Variants in NRG1 observed in about 807,000 individuals in gnomAD.
The protein encoded by NRG1 is neuregulin 1.
In NRG1, 18 loss-of-function variants were observed where a neutral mutation model predicts 63.8. The observed-to-expected ratio is 0.28, with a 90% CI of 0.19 to 0.42. The LOEUF (loss-of-function observed/expected upper bound fraction) is 0.42, where lower values mean the gene tolerates loss of function less well. Ranked by LOEUF, NRG1 falls within the 10% of genes least tolerant of loss-of-function variation. NRG1 has a pLI of 1.00. For synonymous variants in NRG1, 302 were observed against 301.3 expected (o/e 1.00, Z -0.02); for missense variants, 762 against 814.7 (o/e 0.94, Z 0.79).
chr8:32,378,117 T>C (rs1042735962), intron 1 of NRG1, among the ~76,000 whole-genome samples: 3 of 151,942 alleles, frequency 2.0e-5, no homozygotes, highest in Non-Finnish European at 4.4e-5. Flanking sequence ...ACTGAGAGAA[T>C]TGAGCTGGTT....
intron 1 of NRG1, among the ~76,000 whole-genome samples, chr8:32,177,653 C>A (rs539341551): frequency 7.9e-5 from 12 of 151,752 alleles, no homozygotes; most frequent in Admixed American, 7.9e-4. Context: ...ATTTAGTTTT[C>A]TGTTCCTATG....
intron 5 of NRG1, among the ~76,000 whole-genome samples, chr8:32,635,013 G>A (rs181029534): frequency 1.3e-5 from 2 of 152,230 alleles, no homozygotes; most frequent in East Asian, 3.9e-4. Flanking sequence ...AAGAACTGAT[G>A]TATATATATT....
chr8:32,042,697 T>A (rs1820263753), intron 1 of NRG1, among the ~76,000 whole-genome samples: 1 of 151,344 alleles, frequency 6.6e-6, no homozygotes, highest in African/African-American at 2.4e-5. Context: ...AACAAAGAAA[T>A]AAAAGAAATA....
intron 1 of NRG1, among the ~76,000 whole-genome samples, chr8:32,257,467 A>C (rs1849859294): frequency 6.6e-6 from 1 of 152,184 alleles, no homozygotes; most frequent in Admixed American, 6.5e-5. Context: ...CTCTTTGATA[A>C]TGTGTTCATG....
chr8:31,740,277 C>T (rs895988790), intron 1 of NRG1, among the ~76,000 whole-genome samples: 2 of 151,906 alleles, frequency 1.3e-5, no homozygotes, highest in African/African-American at 4.8e-5. Context: ...AAGGTATATT[C>T]TTCATTGCTA....
In NRG1 at chr8:32,548,846, CG is replaced by C; in HGVS notation, c.100+23del. 1.9e-6 allele frequency: 3 copies of C among 1,543,106 alleles called. No individual in the cohort carries two copies. Among genetic ancestry groups the C allele is most frequent in the Non-Finnish European group, 2.6e-6 (3 of 1,146,786 alleles). On this transcript the variant is annotated intron_variant, in intron 1 of 11. Transcript: ENST00000356819. ...GCCCAGGTGGGTGCGCAGCGCGGCC[CG>C]GGCCCCACGATCCTCCTCCTGCTCC... is the stretch of plus-strand genomic sequence containing the variant.
chr8:31,811,125 A>G (rs544070172), intron 1 of NRG1, among the ~76,000 whole-genome samples: 45 of 152,324 alleles, frequency 3.0e-4, no homozygotes, highest in African/African-American at 9.1e-4. Context: ...GTCATAGAAT[A>G]AACAAGGGCA....
At chr8:32,379,374 A>G (rs1446426529) in intron 1 of NRG1, among the ~76,000 whole-genome samples, 1 of 152,200 alleles carries the variant, frequency 6.6e-6, no homozygotes, top group East Asian at 1.9e-4. Context: ...AAATTGTATT[A>G]TGGGCATTAT....
At chr8:31,797,249 G>T (rs1404183593) in intron 1 of NRG1, among the ~76,000 whole-genome samples, 1 of 152,168 alleles carries the variant, frequency 6.6e-6, no homozygotes. Context: ...AAGAGCATTG[G>T]AGGATAAGCT....
chr8:31,654,270 G>A (rs575710637), intron 1 of NRG1, among the ~76,000 whole-genome samples: 7 of 152,266 alleles, frequency 4.6e-5, no homozygotes, highest in East Asian at 1.9e-4. Context: ...CTGAGTATAT[G>A]GTTGTGCTCT....
At chr8:32,106,306 T>G (rs1831251871) in intron 1 of NRG1, among the ~76,000 whole-genome samples, 1 of 152,244 alleles carries the variant, frequency 6.6e-6, no homozygotes, top group Non-Finnish European at 1.5e-5. Context: ...CTTGTGCATA[T>G]AACTACATGC....
chr8:32,241,008 A>G (rs1232731545), intron 1 of NRG1, among the ~76,000 whole-genome samples: 1 of 152,098 alleles, frequency 6.6e-6, no homozygotes, highest in African/African-American at 2.4e-5. Context: ...CCAGCAGAAA[A>G]AGGAAAGATG....
At chr8:31,998,867 T>C (rs900174769) in intron 1 of NRG1, among the ~76,000 whole-genome samples, 1 of 152,002 alleles carries the variant, frequency 6.6e-6, no homozygotes, top group Admixed American at 6.6e-5. Context: ...ATTAAATCAA[T>C]GTAAATTCTG....
At chr8:32,012,852 TGTGA>T (rs1262801749) in intron 1 of NRG1, among the ~76,000 whole-genome samples, 1 of 152,148 alleles carries the variant, frequency 6.6e-6, no homozygotes, top group African/African-American at 2.4e-5. Flanking sequence ...TATGTGTATT[TGTGA>T]GTGAGAGGGA....
At chr8:31,676,360 G>A (rs1807698495) in intron 1 of NRG1, among the ~76,000 whole-genome samples, 1 of 152,096 alleles carries the variant, frequency 6.6e-6, no homozygotes, top group Non-Finnish European at 1.5e-5. Context: ...CCCAATTTAT[G>A]GATGCTTCCT....
chr8:31,919,877 A>T (rs1303030170), intron 1 of NRG1, among the ~76,000 whole-genome samples: 4 of 152,160 alleles, frequency 2.6e-5, no homozygotes, highest in African/African-American at 9.7e-5. Flanking sequence ...ATGGGGTAGA[A>T]GAGAAAAAAA....
intron 1 of NRG1, among the ~76,000 whole-genome samples, chr8:32,324,637 T>A (rs1393151258): frequency 6.6e-6 from 1 of 152,202 alleles, no homozygotes; most frequent in Non-Finnish European, 1.5e-5. Context: ...AGAATAAATA[T>A]GATTCACTCT....
At chr8:32,665,666 G>A (rs148821805) in intron 5 of NRG1, among the ~76,000 whole-genome samples, 26 of 152,182 alleles carry the variant, frequency 1.7e-4, no homozygotes, top group Non-Finnish European at 3.5e-4. Context: ...TAAATGAAAG[G>A]GTGCAATTTC....
chr8:31,641,552 G>A (rs562642129), intron 1 of NRG1, among the ~76,000 whole-genome samples: 20 of 152,286 alleles, frequency 1.3e-4, no homozygotes, highest in African/African-American at 4.6e-4. Context: ...TGCTTCATAT[G>A]ATCAGGTTTG....
Sources: gnomAD v4.1 joint callset for allele counts (sites outside exome capture counted in the v4.1 genomes callset) on GRCh38, gnomAD v4.1.1 for gene constraint, MANE v1.5 for transcripts, NCBI Gene and HGNC (gene_info 2026-07-23, HGNC 2026-07-21) for gene names.